Variants in RYR3 observed in about 807,000 individuals in gnomAD.
The protein encoded by RYR3 is ryanodine receptor 3.
RYR3 carries 207 observed loss-of-function variants against 584.3 expected under a neutral mutation model. The ratio of observed to expected loss-of-function variants is 0.35; its 90% CI spans 0.32 to 0.40. The LOEUF (loss-of-function observed/expected upper bound fraction) is 0.40. Among genes scored for constraint, RYR3 ranks in the 10% least tolerant of loss-of-function variants. The probability of loss-of-function intolerance (pLI) is 1.00; values close to 1 mark genes in which losing one functional copy is unlikely to be tolerated. For synonymous variants in RYR3, 2,416 were observed against 2,248.5 expected, an observed-to-expected ratio of 1.07 and a Z score of -2.11; for missense variants, 5,616 against 6,089.2, an observed-to-expected ratio of 0.92 and a Z score of 2.59.
rs146531546 is a variant in RYR3, at chr15:33,569,639, G to A, written c.1268+2840G>A. On this transcript the variant is annotated intron_variant, in intron 12 of 103. Transcript: ENST00000634891. ...ATACCATGTTTTGTTTATTCAATTG[G>A]GTATGTTTCACTTTTTAAGAAACTG... Among the ~76,000 whole-genome samples the A allele has an allele frequency of 1.9e-3, 296 of 152,046 alleles. 1 individual carries two copies. The highest frequency in any genetic ancestry group is 6.8e-3 in the Middle Eastern group (2 of 294).
At chr15:33,563,587 C>A (rs2057534292) in intron 11 of RYR3, among the ~76,000 whole-genome samples, 1 of 152,130 alleles carries the variant, frequency 6.6e-6, no homozygotes, top group African/African-American at 2.4e-5. Context: ...AACAGTGTTT[C>A]TTTTGGTGGG....
In RYR3 at chr15:33,652,693, T is replaced by C. The variant is rs756390518; in HGVS notation, c.4143-25T>C. 2.3e-5 allele frequency: 37 copies of C among 1,609,794 alleles called. No individual in the cohort carries two copies. The Admixed American group carries it at 3.4e-4, about 15-fold the overall frequency. ...ACAAACTGCCCCAGTCCAGATTCTG[T>C]GCCTTTTCCTGTCTTGGCTCCTAGT... is the stretch of plus-strand genomic sequence containing the variant. On this transcript the variant is annotated intron_variant, in intron 31 of 103. Transcript: ENST00000634891.
Position 33,382,452 on chromosome 15 carries a change from T to C in RYR3, c.51+71356T>C, listed in dbSNP as rs139156931. Among the ~76,000 whole-genome samples the C allele has an allele frequency of 9.2e-3, 1,386 of 151,268 alleles. 20 individuals carry two copies. The highest frequency in any genetic ancestry group is 0.031 in the African/African-American group (1,276 of 41,082). ...AATTCTCCTGTCTCAGCCTCTTGAG[T>C]AGCTGGGACTTCAGGTGCAAGCCAC... is the stretch of plus-strand genomic sequence containing the variant. On this transcript the variant is annotated intron_variant, in intron 1 of 103. Coordinates refer to ENST00000634891, the MANE Select transcript of RYR3 (RefSeq NM_001036.6).
Position 33,515,683 on chromosome 15 carries a change from G to A in RYR3, c.279+11945G>A, listed in dbSNP as rs7174003. Among the ~76,000 whole-genome samples the A allele has an allele frequency of 5.2e-3, 799 of 152,262 alleles. 9 individuals carry two copies. The highest frequency in any genetic ancestry group is 0.019 in the African/African-American group (772 of 41,546). On this transcript the variant is annotated intron_variant, in intron 3 of 103. Coordinates refer to ENST00000634891, the MANE Select transcript of RYR3 (RefSeq NM_001036.6). ...CAGGGTAACCAGGAATGGTAAGTTC[G>A]CTGGGCTGAACCCTGGTCCAAACAG...
chr15:33,562,995 A>T lies in RYR3; in HGVS notation c.1131A>T (p.Gly377=). 6.2e-7 allele frequency: 1 copy of T among 1,608,778 alleles called. No individual in the cohort carries two copies. Among genetic ancestry groups the T allele is most frequent in the Non-Finnish European group, 8.5e-7 (1 of 1,177,246 alleles). The change falls in exon 11 of 104, where the codon GGA becomes GGT. Residue 377 remains glycine, a synonymous_variant. Transcript: ENST00000634891. ...AAGACGCCAAAACTTCCCGCCTGGG[A>T]CCTCTAAAAAGAAAGGTGAGAGTCA... ...KAQDAKTSRL[G]PLKRKVILHQ...
At chr15:33,851,931 C>G (rs992218992) in intron 94 of RYR3, 1 of 151,952 alleles carries the variant, frequency 6.6e-6, no homozygotes, top group Non-Finnish European at 1.5e-5. Flanking sequence ...TAGCAGTTTA[C>G]TCTGTAACAC....
At chr15:33,565,620 C>T (rs2057673511) in intron 11 of RYR3, among the ~76,000 whole-genome samples, 1 of 152,112 alleles carries the variant, frequency 6.6e-6, no homozygotes, top group South Asian at 2.1e-4. Context: ...ATGTAGACTT[C>T]CAGGATCTAC....
intron 34 of RYR3, among the ~76,000 whole-genome samples, chr15:33,661,415 G>C (rs999458629): frequency 1.3e-5 from 2 of 152,194 alleles, no homozygotes; most frequent in African/African-American, 4.8e-5. Flanking sequence ...TTTGTTTTCA[G>C]GTCGTTGGAG....
intron 99 of RYR3, 126 bp downstream of exon 99, chr15:33,858,040 C>A: frequency 1.6e-6 from 2 of 1,243,872 alleles, no homozygotes; most frequent in Non-Finnish European, 2.2e-6. Context: ...CAGAGCACAG[C>A]AGAGATTAAA....
At chr15:33,818,199 A>C (rs1056865681) in intron 75 of RYR3, among the ~76,000 whole-genome samples, 3 of 152,130 alleles carry the variant, frequency 2.0e-5, no homozygotes, top group African/African-American at 7.2e-5. Context: ...CTGAGAGAGC[A>C]GTCTCTCAGG....
At chr15:33,833,769 A>AT (rs2077844926) in intron 86 of RYR3, among the ~76,000 whole-genome samples, 1 of 152,226 alleles carries the variant, frequency 6.6e-6, no homozygotes, top group Non-Finnish European at 1.5e-5. Context: ...ATAAACAGTG[A>AT]TTTTTAACAA....
At chr15:33,699,070 G>A (rs1384866080) in intron 40 of RYR3, among the ~76,000 whole-genome samples, 1 of 152,174 alleles carries the variant, frequency 6.6e-6, no homozygotes, top group Non-Finnish European at 1.5e-5. Context: ...GAATCCCATA[G>A]AAGAGCAATT....
chr15:33,747,859 A>G (rs1168863689), intron 53 of RYR3, among the ~76,000 whole-genome samples: 1 of 152,214 alleles, frequency 6.6e-6, no homozygotes, highest in East Asian at 1.9e-4. Context: ...CGTCTACAGA[A>G]TGTAGATAAT....
intron 12 of RYR3, among the ~76,000 whole-genome samples, chr15:33,573,099 G>A (rs1043836713): frequency 1.5e-5 from 2 of 135,908 alleles, no homozygotes; most frequent in East Asian, 2.1e-4. Flanking sequence ...TTATTATTTT[G>A]TGTGAGAAAA....
Position 33,626,913 on chromosome 15 carries a change from G to C in RYR3, c.2575-1558G>C, listed in dbSNP as rs117854988. Among the ~76,000 whole-genome samples, 37 of 152,196 alleles carry C rather than the reference G, an allele frequency of 2.4e-4. 3 individuals are homozygous for C. In the East Asian group the frequency reaches 7.0e-3, roughly 29 times the overall value. ...ATGTCCAAGCAGAAGTTTGCTAAACGGGTGGGGTCCTCATGGAGAACTTCT... is the reference window on the plus strand; with the variant it reads ...ATGTCCAAGCAGAAGTTTGCTAAACCGGTGGGGTCCTCATGGAGAACTTCT... On this transcript the variant is annotated intron_variant, in intron 20 of 103. Coordinates refer to ENST00000634891, the MANE Select transcript of RYR3 (RefSeq NM_001036.6).
Position 33,634,726 on chromosome 15 carries a change from A to C in RYR3, c.3168A>C (p.Gln1056His). 6.2e-7 allele frequency: 1 copy of C among 1,613,954 alleles called. No individual in the cohort carries two copies. Among genetic ancestry groups the C allele is most frequent in the Non-Finnish European group, 8.5e-7 (1 of 1,179,818 alleles). ...GYGYNIEPSD[Q>H]ELADSAVEKV... is the part of the protein sequence containing the mutation. ...GGTATAACATTGAGCCATCAGACCAAGAACTAGGTAATGAGTTGAGAGTGT... is the reference window on the plus strand; with the variant it reads ...GGTATAACATTGAGCCATCAGACCACGAACTAGGTAATGAGTTGAGAGTGT... The change falls in exon 25 of 104, where the codon CAA becomes CAC. Residue 1056 changes from glutamine to histidine, a missense_variant. Physicochemically the swap from Gln to His is conservative, Grantham distance 24 (BLOSUM62 0). Around this residue, in one of 9 missense-constraint regions of RYR3, gnomAD observed 1,284 missense variants for 1,344.6 expected, o/e 0.95. Transcript: ENST00000634891.
Position 33,738,527 on chromosome 15 carries a change from G to T in RYR3, c.7593G>T (p.Val2531=), listed in dbSNP as rs2069737166. The T allele has an allele frequency of 4.3e-6, 7 of 1,613,954 alleles. No homozygotes were observed. Among genetic ancestry groups the T allele is most frequent in the Non-Finnish European group, 5.9e-6 (7 of 1,179,876 alleles). ...GATGGGGGAGCTACGGGCTAGCTGT[G>T]GAAGAAGAGCTGCACCTAACGGAGA... ...PSGWGSYGLA[V]EEELHLTEKL... Residue 2531 remains valine, a synonymous_variant, in exon 50 of 104, where the codon GTG becomes GTT. Coordinates refer to ENST00000634891, the MANE Select transcript of RYR3 (RefSeq NM_001036.6).
chr15:33,784,970 G>A (rs1489558275), intron 65 of RYR3, among the ~76,000 whole-genome samples: 3 of 152,156 alleles, frequency 2.0e-5, no homozygotes, highest in African/African-American at 7.2e-5. Context: ...ATCATTCAGG[G>A]TGAGGAAAAG....
chr15:33,828,813 C>T (rs1596856121), intron 85 of RYR3, among the ~76,000 whole-genome samples: 1 of 152,212 alleles, frequency 6.6e-6, no homozygotes, highest in Non-Finnish European at 1.5e-5. Flanking sequence ...CCCAGAAGAT[C>T]TATCTAGGAT....
Sources: allele counts gnomAD v4.1 joint callset (sites outside exome capture counted in the v4.1 genomes callset), GRCh38; gene constraint gnomAD v4.1.1; regional missense constraint gnomAD v4.1.1; transcripts MANE v1.5; gene names NCBI Gene and HGNC (gene_info 2026-07-23, HGNC 2026-07-21).